Variants in PTHLH observed in about 807,000 individuals in gnomAD.
PTHLH encodes the protein parathyroid hormone-related protein.
PTHLH carries 5 observed loss-of-function variants against 18.6 expected under a neutral mutation model. The ratio of observed to expected loss-of-function variants is 0.27; its 90% CI spans 0.14 to 0.56. The LOEUF is 0.56. PTHLH is among the 20% of genes least tolerant of loss of function. The pLI, the probability that PTHLH is intolerant of heterozygous loss-of-function variation, is 0.92. For synonymous variants in PTHLH, 90 were observed against 94.0 expected (o/e 0.96, Z 0.25); for missense variants, 207 against 223.9 (o/e 0.92, Z 0.48).
At chr12:27,967,394 A>C (rs1483799801) in intron 4 of PTHLH, among the ~76,000 whole-genome samples, 2 of 152,220 alleles carry the variant, frequency 1.3e-5, no homozygotes, top group Non-Finnish European at 2.9e-5. Flanking sequence ...TTAAAAAAAA[A>C]ATCTATACTT....
rs1025832272 is a variant in PTHLH at position 27,963,512 on chromosome 12, C to T, written c.360G>A (p.Lys120=). The T allele has an allele frequency of 6.2e-7, 1 of 1,614,198 alleles. No individual in the cohort carries two copies. Among genetic ancestry groups the T allele is most frequent in the Non-Finnish European group, 8.5e-7 (1 of 1,180,032 alleles). Residue 120 remains lysine (K), a synonymous_variant, in exon 5 of 6, where the codon AAG becomes AAA. Transcript: ENST00000545234. ...KVETYKEQPL[K]TPGKKKKGKP... is the part of the protein sequence containing the mutation. ...TGCCTTTCTTTTTCTTCCCAGGTGTCTTGAGCGGCTGCTCTTTGTACGTCT... is the reference window on the plus strand; with the variant it reads ...TGCCTTTCTTTTTCTTCCCAGGTGTTTTGAGCGGCTGCTCTTTGTACGTCT...
intron 5 of PTHLH, chr12:27,962,077 G>A (rs11049240): frequency 0.051 from 26,808 of 529,610 alleles, 968 homozygotes; most frequent in Admixed American, 0.12. Flanking sequence ...CACTGTCTAC[G>A]TGTCAGAAAA....
chr12:27,961,572 T>G (rs1252367115), intron 5 of PTHLH: 1 of 175,552 alleles, frequency 5.7e-6, no homozygotes, highest in Non-Finnish European at 1.2e-5. Context: ...GTCCTTACAT[T>G]AGTTATAAAT....
chr12:27,961,313 A>ACACG (rs199950373), intron 5 of PTHLH, among the ~76,000 whole-genome samples: 5 of 123,438 alleles, frequency 4.1e-5, no homozygotes, highest in Non-Finnish European at 6.8e-5. Context: ...ATATATATAT[A>ACACG]TATATATACG....
chr12:27,969,855 T>C (rs752743584), intron 3 of PTHLH, 170 bp downstream of exon 3: 2 of 528,946 alleles, frequency 3.8e-6, no homozygotes, highest in African/African-American at 3.8e-5. Context: ...CCCATAGCAA[T>C]GTCTAATTAA....
rs769398587 is a variant in PTHLH at position 27,958,528 on chromosome 12, A to G, written c.*31T>C. Reference sequence around the variant, plus strand: ...ATGTTCACTATTACAGAATCCTGCAATATGTCCTTGGAAGGTCTCTGCTGA... The same window carrying G: ...ATGTTCACTATTACAGAATCCTGCAGTATGTCCTTGGAAGGTCTCTGCTGA... On this transcript the variant is annotated 3_prime_UTR_variant, in exon 6 of 6. Transcript: ENST00000545234. 10 of 1,559,888 alleles carry G rather than the reference A, an allele frequency of 6.4e-6. No individual in the cohort carries two copies. The highest frequency in any genetic ancestry group is 1.4e-5 in the African/African-American group (1 of 73,612).
chr12:27,964,186 T>C (rs901439311), intron 4 of PTHLH, among the ~76,000 whole-genome samples: 1 of 151,944 alleles, frequency 6.6e-6, no homozygotes, highest in South Asian at 2.1e-4. Context: ...AAAATAAATC[T>C]AGAAGTCCCA....
chr12:27,970,959 A>G (rs1007423436), intron 2 of PTHLH, among the ~76,000 whole-genome samples: 5 of 152,154 alleles, frequency 3.3e-5, no homozygotes, highest in Middle Eastern at 3.2e-3. Flanking sequence ...TTCATATCTA[A>G]ATTGCACTTT....
intron 5 of PTHLH, among the ~76,000 whole-genome samples, chr12:27,960,912 A>G (rs2062747645): frequency 6.6e-6 from 1 of 151,964 alleles, no homozygotes; most frequent in African/African-American, 2.4e-5. Flanking sequence ...GGATTACAAA[A>G]CTTGCATGGC....
At chr12:27,964,280 T>TCACA (rs1555124781) in intron 4 of PTHLH, among the ~76,000 whole-genome samples, 20 of 140,550 alleles carry the variant, frequency 1.4e-4, no homozygotes, top group African/African-American at 4.6e-4. Flanking sequence ...TCTCTCTCTC[T>TCACA]CACACACACA....
At chr12:27,965,588 G>T (rs1343021316) in intron 4 of PTHLH, among the ~76,000 whole-genome samples, 3 of 152,166 alleles carry the variant, frequency 2.0e-5, no homozygotes, top group Non-Finnish European at 4.4e-5. Flanking sequence ...GTATTTTAGT[G>T]TGTGGACTGA....
In PTHLH at chr12:27,958,560, C is replaced by A; in HGVS notation, c.533G>T (p.Ter178LeuextTer53). The change falls in exon 6 of 6, where the codon TGA (stop) becomes TTA (leucine). Residue 178 changes from the stop codon to leucine, a stop_lost. Transcript: ENST00000545234. ...TSLELDSRRH[*>L] ...CTTGGAAGGTCTCTGCTGAAAATTT[C>A]AATGCCTCCTGCAAAAAGAAGGAAG... The A allele has an allele frequency of 6.4e-7, 1 of 1,574,744 alleles. No individual in the cohort carries two copies. The highest frequency in any genetic ancestry group is 8.6e-7 in the Non-Finnish European group (1 of 1,158,174).
intron 5 of PTHLH, chr12:27,962,254 A>AGATAGAT (rs68109320): frequency 1.7e-5 from 5 of 301,896 alleles, no homozygotes; most frequent in African/African-American, 8.6e-5. Context: ...ATAGATAGAT[A>AGATAGAT]GATAGATAGA....
chr12:27,959,035 A>T (rs1183086338), intron 5 of PTHLH, among the ~76,000 whole-genome samples: 3 of 152,254 alleles, frequency 2.0e-5, no homozygotes, highest in African/African-American at 7.2e-5. Context: ...TCATTTGGAC[A>T]ATCTCTCACA....
intron 5 of PTHLH, among the ~76,000 whole-genome samples, chr12:27,959,764 G>A (rs537928364): frequency 3.3e-5 from 5 of 152,302 alleles, no homozygotes; most frequent in South Asian, 4.1e-4. Context: ...GTTTTGGTGG[G>A]AATGTTAAAA....
intron 2 of PTHLH, among the ~76,000 whole-genome samples, chr12:27,971,380 G>C (rs1017058914): frequency 1.3e-5 from 2 of 152,042 alleles, no homozygotes; most frequent in African/African-American, 4.8e-5. Flanking sequence ...CCTCCCCAGG[G>C]CTCCTCTAAC....
intron 2 of PTHLH, among the ~76,000 whole-genome samples, chr12:27,971,006 G>A (rs1457641751): frequency 1.3e-5 from 2 of 152,012 alleles, no homozygotes; most frequent in African/African-American, 4.8e-5. Context: ...ATCTGGAGCC[G>A]GTCCCAAAAA....
At chr12:27,964,650 T>C (rs1565522768) in intron 4 of PTHLH, among the ~76,000 whole-genome samples, 1 of 152,162 alleles carries the variant, frequency 6.6e-6, no homozygotes, top group Non-Finnish European at 1.5e-5. Flanking sequence ...TCCTTACTAC[T>C]TAGTTGAGAA....
chr12:27,961,303 A>ATATATATATACGTGTG (rs2062754626), intron 5 of PTHLH, among the ~76,000 whole-genome samples: 1 of 19,882 alleles, frequency 5.0e-5, no homozygotes. Context: ...ATATATACGT[A>ATATATATATACGTGTG]TATATATATA....
Sources: allele counts gnomAD v4.1 joint callset (sites outside exome capture counted in the v4.1 genomes callset), GRCh38; gene constraint gnomAD v4.1.1; transcripts MANE v1.5; gene names NCBI Gene and HGNC (gene_info 2026-07-23, HGNC 2026-07-21).